Variants in AUTS2 observed in about 807,000 individuals in gnomAD.
AUTS2 encodes autism susceptibility gene 2 protein.
In AUTS2, 17 loss-of-function variants were observed where a neutral mutation model predicts 112.4. That is an observed-to-expected ratio of 0.15 (90% CI 0.10 to 0.23). The LOEUF is 0.23. Ranked by LOEUF, AUTS2 falls within the 10% of genes least tolerant of loss-of-function variation. AUTS2 has a pLI of 1.00. For synonymous variants in AUTS2, 751 were observed against 702.7 expected (o/e 1.07, Z -1.09); for missense variants, 1,510 against 1,701.6 (o/e 0.89, Z 1.98).
At chr7:70,136,328 A>G (rs1050741507) in intron 4 of AUTS2, among the ~76,000 whole-genome samples, 1 of 152,222 alleles carries the variant, frequency 6.6e-6, no homozygotes, top group Non-Finnish European at 1.5e-5. Context: ...CCAGATGTGT[A>G]TTCAGCTTTC....
chr7:69,763,904 A>T (rs1788301673), intron 1 of AUTS2, among the ~76,000 whole-genome samples: 1 of 152,238 alleles, frequency 6.6e-6, no homozygotes, highest in African/African-American at 2.4e-5. Flanking sequence ...CTTGTCACAC[A>T]TAACATGATA....
intron 1 of AUTS2, among the ~76,000 whole-genome samples, chr7:69,661,653 G>T (rs866032682): frequency 6.6e-6 from 1 of 152,108 alleles, no homozygotes; most frequent in Non-Finnish European, 1.5e-5. Flanking sequence ...TTAAAAAAAC[G>T]GACACTTTTG....
intron 1 of AUTS2, among the ~76,000 whole-genome samples, chr7:69,865,368 T>C (rs1447395048): frequency 6.6e-6 from 1 of 152,178 alleles, no homozygotes; most frequent in Non-Finnish European, 1.5e-5. Context: ...GAGTCACTGT[T>C]GAATTTTTAA....
At chr7:70,642,200 T>G (rs1036172101) in intron 5 of AUTS2, among the ~76,000 whole-genome samples, 1 of 152,236 alleles carries the variant, frequency 6.6e-6, no homozygotes, top group Non-Finnish European at 1.5e-5. Flanking sequence ...ATTTGCATTT[T>G]TGGTATAATT....
chr7:70,117,885 A>T (rs565494271), intron 2 of AUTS2, among the ~76,000 whole-genome samples: 1 of 152,014 alleles, frequency 6.6e-6, no homozygotes, highest in East Asian at 1.9e-4. Flanking sequence ...AGTAGCTGGG[A>T]TTACAGGCAC....
At chr7:70,659,337 T>G (rs1806944403) in intron 5 of AUTS2, among the ~76,000 whole-genome samples, 1 of 152,214 alleles carries the variant, frequency 6.6e-6, no homozygotes, top group Non-Finnish European at 1.5e-5. Context: ...ACACCCGTAT[T>G]CTGATATAAT....
At chr7:70,737,657 G>GT (rs1336513322) in intron 6 of AUTS2, among the ~76,000 whole-genome samples, 46 of 152,158 alleles carry the variant, frequency 3.0e-4, no homozygotes, top group Non-Finnish European at 1.5e-5. Context: ...AGTTTCCAGA[G>GT]TGGACTGACA....
chr7:70,501,356 G>A (rs1028993541), intron 5 of AUTS2, among the ~76,000 whole-genome samples: 8 of 152,184 alleles, frequency 5.3e-5, no homozygotes, highest in African/African-American at 1.9e-4. Flanking sequence ...GGAAACAGGG[G>A]CATTAACTGG....
intron 4 of AUTS2, among the ~76,000 whole-genome samples, chr7:70,423,800 T>G (rs1260691633): frequency 6.6e-6 from 1 of 152,240 alleles, no homozygotes; most frequent in Non-Finnish European, 1.5e-5. Flanking sequence ...TTTGTTTGTC[T>G]GGGTGGTTGT....
chr7:70,393,176 G>A (rs1162024952), intron 4 of AUTS2, among the ~76,000 whole-genome samples: 5 of 152,196 alleles, frequency 3.3e-5, no homozygotes, highest in East Asian at 1.9e-4. Context: ...CCTCCAGCCT[G>A]TATCTCACCT....
intron 4 of AUTS2, among the ~76,000 whole-genome samples, chr7:70,197,349 C>T (rs1347496513): frequency 2.0e-5 from 3 of 151,766 alleles, no homozygotes; most frequent in Non-Finnish European, 4.4e-5. Flanking sequence ...CCAAGATGGC[C>T]GAATAGGAAC....
chr7:70,077,263 G>A (rs188566805), intron 2 of AUTS2, among the ~76,000 whole-genome samples: 8 of 152,298 alleles, frequency 5.3e-5, no homozygotes, highest in Admixed American at 2.0e-4. Flanking sequence ...GGATGGGATG[G>A]TTCTTATGGT....
intron 4 of AUTS2, among the ~76,000 whole-genome samples, chr7:70,302,474 T>C (rs938526955): frequency 6.6e-6 from 1 of 152,174 alleles, no homozygotes; most frequent in Non-Finnish European, 1.5e-5. Context: ...TTTAGTGTTA[T>C]AGTCATTAAA....
chr7:70,549,692 T>C (rs564135087), intron 5 of AUTS2, among the ~76,000 whole-genome samples: 2 of 152,310 alleles, frequency 1.3e-5, no homozygotes, highest in African/African-American at 2.4e-5. Context: ...ATCCTATCTC[T>C]TAAAAAATTT....
intron 4 of AUTS2, among the ~76,000 whole-genome samples, chr7:70,134,882 T>G (rs1186719924): frequency 6.6e-6 from 1 of 152,140 alleles, no homozygotes; most frequent in East Asian, 1.9e-4. Context: ...CCACAATTAC[T>G]TTTTTAGTAA....
intron 4 of AUTS2, among the ~76,000 whole-genome samples, chr7:70,366,223 CCTT>C (rs1257366144): frequency 1.3e-5 from 2 of 152,160 alleles, no homozygotes; most frequent in Admixed American, 1.3e-4. Flanking sequence ...CTTGAAACCT[CCTT>C]CTCTTAGAGA....
At chr7:70,083,442 A>G (rs1453896756) in intron 2 of AUTS2, among the ~76,000 whole-genome samples, 1 of 152,184 alleles carries the variant, frequency 6.6e-6, no homozygotes, top group Non-Finnish European at 1.5e-5. Context: ...AATTGCACCC[A>G]TATAGCATAT....
intron 5 of AUTS2, among the ~76,000 whole-genome samples, chr7:70,674,144 C>A (rs770361507): frequency 2.0e-4 from 30 of 152,204 alleles, no homozygotes; most frequent in Admixed American, 3.3e-4. Context: ...GGCTCTGCTC[C>A]GTGGATGTGC....
chr7:69,686,891 C>T (rs975181211), intron 1 of AUTS2, among the ~76,000 whole-genome samples: 6 of 152,114 alleles, frequency 3.9e-5, no homozygotes, highest in Admixed American at 1.3e-4. Context: ...GATAAGCACA[C>T]GTTAATATGA....
Sources: allele counts gnomAD v4.1 joint callset (sites outside exome capture counted in the v4.1 genomes callset), GRCh38; gene constraint gnomAD v4.1.1; transcripts MANE v1.5; gene names NCBI Gene and HGNC (gene_info 2026-07-23, HGNC 2026-07-21).